The following NKAIN2 variants were observed in gnomAD, a reference collection of about 807,000 sequenced individuals.
NKAIN2 encodes sodium/potassium-transporting ATPase subunit beta-1-interacting protein 2.
Under a neutral mutation model 32.6 loss-of-function variants are expected in NKAIN2, and 14 were observed. That is an observed-to-expected ratio of 0.43 (90% confidence interval 0.28 to 0.67). The LOEUF (loss-of-function observed/expected upper bound fraction) is 0.67, where lower values mean the gene tolerates loss of function less well. Among genes scored for constraint, NKAIN2 ranks in the 30% least tolerant of loss-of-function variants. The pLI, the probability that NKAIN2 is intolerant of heterozygous loss-of-function variation, is 0.17. For missense variants in NKAIN2, 198 were observed against 258.3 expected (o/e 0.77, Z 1.60); for synonymous variants, 80 against 87.2 (o/e 0.92, Z 0.46).
At chr6:124,448,953 C>T (rs926098181) in intron 3 of NKAIN2, among the ~76,000 whole-genome samples, 4 of 152,038 alleles carry the variant, frequency 2.6e-5, no homozygotes, top group Admixed American at 2.0e-4. Flanking sequence ...TGTACGAAAC[C>T]ACTTTTAAGG....
In NKAIN2 at chr6:124,414,613, A is replaced by G. The variant is rs577415907; in HGVS notation, c.273+59266A>G. Among the ~76,000 whole-genome samples the G allele has an allele frequency of 2.4e-3, 364 of 152,312 alleles. 2 individuals are homozygous for G. Among genetic ancestry groups the G allele is most frequent in the Non-Finnish European group, 4.2e-3 (286 of 68,014 alleles). ...TGCTAAATATTTGTTATAAATCACC[A>G]GTGAAGCCATTTGGACTTGGAGTTT... On this transcript the variant is annotated intron_variant, in intron 3 of 6. Transcript: ENST00000368417.
intron 1 of NKAIN2, among the ~76,000 whole-genome samples, chr6:123,955,770 C>T (rs980315953): frequency 4.6e-5 from 7 of 151,870 alleles, no homozygotes; most frequent in South Asian, 2.1e-4. Context: ...GGACTGCAAG[C>T]GTATGCCATC....
chr6:124,486,501 T>C (rs1424766541), intron 3 of NKAIN2, among the ~76,000 whole-genome samples: 28 of 152,190 alleles, frequency 1.8e-4, no homozygotes, highest in Admixed American at 1.4e-3. Context: ...ACTTACCAGT[T>C]CTCTCTACTG....
chr6:124,158,598 A>G (rs773634705), intron 1 of NKAIN2, among the ~76,000 whole-genome samples: 1 of 152,148 alleles, frequency 6.6e-6, no homozygotes, highest in Non-Finnish European at 1.5e-5. Context: ...TCAAATGATG[A>G]CATTCACTAT....
intron 1 of NKAIN2, among the ~76,000 whole-genome samples, chr6:124,139,365 G>A (rs1787024411): frequency 6.6e-6 from 1 of 151,668 alleles, no homozygotes; most frequent in African/African-American, 2.4e-5. Context: ...TGGGATTACA[G>A]GCGTGAGCCA....
chr6:123,927,833 G>T (rs1361123271), intron 1 of NKAIN2, among the ~76,000 whole-genome samples: 1 of 152,100 alleles, frequency 6.6e-6, no homozygotes, highest in Non-Finnish European at 1.5e-5. Flanking sequence ...TTCATATTAA[G>T]GTTCTATGAC....
At chr6:124,794,745 G>A in intron 5 of NKAIN2, 3 of 242,674 alleles carry the variant, frequency 1.2e-5, no homozygotes, top group Non-Finnish European at 2.0e-5. Context: ...TCATTTACTT[G>A]TAGTCATTCA....
At chr6:123,957,335 A>T (rs995359360) in intron 1 of NKAIN2, among the ~76,000 whole-genome samples, 2 of 152,188 alleles carry the variant, frequency 1.3e-5, no homozygotes, top group Non-Finnish European at 2.9e-5. Context: ...AAATGGTCAC[A>T]CTAAAGTGAC....
chr6:124,136,635 G>A (rs1448549435), intron 1 of NKAIN2, among the ~76,000 whole-genome samples: 2 of 152,064 alleles, frequency 1.3e-5, no homozygotes, highest in Non-Finnish European at 2.9e-5. Context: ...AAACCCAACA[G>A]CGTCTCACAA....
At chr6:124,218,975 C>T (rs1791639615) in intron 1 of NKAIN2, among the ~76,000 whole-genome samples, 1 of 152,180 alleles carries the variant, frequency 6.6e-6, no homozygotes, top group Admixed American at 6.5e-5. Flanking sequence ...AAGCAAGGCA[C>T]CTTCTTCACA....
chr6:124,495,118 A>C (rs1778014711), intron 3 of NKAIN2, among the ~76,000 whole-genome samples: 1 of 152,158 alleles, frequency 6.6e-6, no homozygotes, highest in South Asian at 2.1e-4. Context: ...ATTCTGAGCA[A>C]GTACTTATGC....
chr6:124,164,929 A>T (rs934991331), intron 1 of NKAIN2, among the ~76,000 whole-genome samples: 2 of 152,116 alleles, frequency 1.3e-5, no homozygotes, highest in African/African-American at 4.8e-5. Context: ...TTTGTGACAG[A>T]ATATTAGGTT....
At chr6:124,176,053 G>A (rs1789139678) in intron 1 of NKAIN2, among the ~76,000 whole-genome samples, 2 of 152,040 alleles carry the variant, frequency 1.3e-5, no homozygotes, top group Non-Finnish European at 2.9e-5. Context: ...CACAATAAAG[G>A]GAATATTGCA....
chr6:124,806,801 A>T (rs1156630244), intron 5 of NKAIN2, among the ~76,000 whole-genome samples: 1 of 151,644 alleles, frequency 6.6e-6, no homozygotes, highest in Non-Finnish European at 1.5e-5. Context: ...AAGATCTACC[A>T]AGCAAATGGA....
chr6:124,138,667 T>TTAATATCATTAA (rs35760348), intron 1 of NKAIN2, among the ~76,000 whole-genome samples: 3 of 145,556 alleles, frequency 2.1e-5, no homozygotes, highest in African/African-American at 7.7e-5. Flanking sequence ...TGTTATATTA[T>TTAATATCATTAA]TAATTATGTT....
At chr6:124,297,002 A>G (rs919281069) in intron 2 of NKAIN2, among the ~76,000 whole-genome samples, 2 of 152,226 alleles carry the variant, frequency 1.3e-5, no homozygotes, top group African/African-American at 4.8e-5. Flanking sequence ...ATGCCTGTAC[A>G]GTCTGCAGAA....
chr6:124,292,888 A>G (rs1464456696), intron 2 of NKAIN2, among the ~76,000 whole-genome samples: 2 of 152,086 alleles, frequency 1.3e-5, no homozygotes, highest in African/African-American at 4.8e-5. Flanking sequence ...TTTATAAGAA[A>G]CACACTCATG....
At chr6:124,760,697 G>C (rs56133914) in intron 4 of NKAIN2, among the ~76,000 whole-genome samples, 141,051 of 151,976 alleles carry the variant, frequency 0.93, 66,367 homozygotes, top group East Asian at 1. Flanking sequence ...TTAAATATTA[G>C]GATAAGTTCA....
At chr6:124,708,341 A>C (rs1027050279) in intron 4 of NKAIN2, among the ~76,000 whole-genome samples, 217 of 151,784 alleles carry the variant, frequency 1.4e-3, no homozygotes, top group African/African-American at 5.0e-3. Flanking sequence ...TTTTGGTTCC[A>C]TATGAACTTT....
Sources: allele counts gnomAD v4.1 joint callset (sites outside exome capture counted in the v4.1 genomes callset), GRCh38; gene constraint gnomAD v4.1.1; transcripts MANE v1.5; gene names NCBI Gene and HGNC (gene_info 2026-07-23, HGNC 2026-07-21).